Variants in SLC3A1 observed in about 807,000 individuals in gnomAD.
SLC3A1 encodes solute carrier family 3 member 1.
SLC3A1 carries 78 observed loss-of-function variants against 60.3 expected under a neutral mutation model. The ratio of observed to expected loss-of-function variants is 1.29; its 90% confidence interval spans 1.08 to 1.56. SLC3A1 has a LOEUF of 1.56. Among genes scored for constraint, SLC3A1 ranks in the 40% most tolerant of loss-of-function variants. The pLI is 0.00. For synonymous variants in SLC3A1, 392 were observed against 307.9 expected, an observed-to-expected ratio of 1.27 and a Z score of -2.86; for missense variants, 1,172 against 858.9, an observed-to-expected ratio of 1.36 and a Z score of -4.56.
intron 6 of SLC3A1, chr2:44,303,771 T>C: frequency 2.5e-6 from 1 of 392,884 alleles, no homozygotes; most frequent in South Asian, 2.4e-5. Flanking sequence ...TGATGTTCCC[T>C]GCCCTGTGTC....
intron 7 of SLC3A1, among the ~76,000 whole-genome samples, chr2:44,309,682 C>T (rs7575725): frequency 6.6e-6 from 1 of 152,080 alleles, no homozygotes; most frequent in Admixed American, 6.5e-5. Context: ...TCACTGCAAC[C>T]TCTGCCTCTG....
rs765196342 is a variant in SLC3A1, at chr2:44,321,380, A to T, written c.*741A>T. ...TTCAGAATTTCAGGTATTTCTTAAGATCCTCGAAAACACTGGTGCTGTCAA... is the reference window on the plus strand; with the variant it reads ...TTCAGAATTTCAGGTATTTCTTAAGTTCCTCGAAAACACTGGTGCTGTCAA... On this transcript the variant is annotated 3_prime_UTR_variant, in exon 10 of 10. Coordinates refer to ENST00000260649, the MANE Select transcript of SLC3A1 (RefSeq NM_000341.4). 1.2e-6 allele frequency: 2 copies of T among 1,611,084 alleles called. No individual in the cohort carries two copies. The highest frequency in any genetic ancestry group is 1.3e-5 in the African/African-American group (1 of 74,934).
chr2:44,318,783 TAGC>T (rs1175606261), intron 9 of SLC3A1: 4 of 152,302 alleles, frequency 2.6e-5, no homozygotes, highest in East Asian at 1.9e-4. Context: ...AAGTATTTAA[TAGC>T]AGACAAAATA....
intron 4 of SLC3A1, among the ~76,000 whole-genome samples, chr2:44,290,361 A>G (rs1671714787): frequency 6.6e-6 from 1 of 152,208 alleles, no homozygotes. Context: ...GAAATCGGGA[A>G]GTGAGAATCC....
chr2:44,307,128 C>T (rs1672177574), intron 7 of SLC3A1, among the ~76,000 whole-genome samples: 1 of 152,290 alleles, frequency 6.6e-6, no homozygotes, highest in African/African-American at 2.4e-5. Context: ...TAGCTTCTTT[C>T]ACTTAACATA....
intron 7 of SLC3A1, among the ~76,000 whole-genome samples, chr2:44,306,821 T>C (rs1672170467): frequency 6.6e-6 from 1 of 152,128 alleles, no homozygotes; most frequent in Admixed American, 6.6e-5. Flanking sequence ...CCTCCCAAAG[T>C]GCTGGGATTA....
At chr2:44,299,940 G>A (rs1671959760) in intron 4 of SLC3A1, 31 bp from the exon 5 acceptor site, 1 of 1,612,794 alleles carries the variant, frequency 6.2e-7, no homozygotes. Flanking sequence ...CGTAGTTAAT[G>A]TAACCAAGCA....
In SLC3A1 at chr2:44,304,285, G is replaced by GT; in HGVS notation, c.1281dup (p.Ile428TyrfsTer15). On this transcript the variant is annotated frameshift_variant, in exon 7 of 10. Transcript: ENST00000260649. LOFTEE classifies it high-confidence loss of function. Reference sequence around the variant, plus strand: ...TGTTTCTGGGAACAGCGTGTATGAGGTTATCACATCCTGGATGGAAAACAT... The same window carrying GT: ...TGTTTCTGGGAACAGCGTGTATGAGGTTTATCACATCCTGGATGGAAAACAT... The GT allele has an allele frequency of 6.2e-7, 1 of 1,614,196 alleles. No homozygotes were observed. The highest frequency in any genetic ancestry group is 1.1e-5 in the South Asian group (1 of 91,086).
chr2:44,309,120 T>C (rs577176306), intron 7 of SLC3A1, among the ~76,000 whole-genome samples: 1 of 152,326 alleles, frequency 6.6e-6, no homozygotes, highest in Non-Finnish European at 1.5e-5. Flanking sequence ...ATGCATTAAA[T>C]ACATTCAAAA....
At position 44,312,800 on chromosome 2, in the gene SLC3A1, T is replaced by G. The variant is rs749288347; in HGVS notation, c.1500+47T>G. Reference sequence around the variant, plus strand: ...TATTCATCACAGCTATAAAACCAAGTATTCATTTTTTATTTTTTGCCAAAT... The same window carrying G: ...TATTCATCACAGCTATAAAACCAAGGATTCATTTTTTATTTTTTGCCAAAT... On this transcript the variant is annotated intron_variant, in intron 8 of 9. Transcript: ENST00000260649. 5 of 1,527,958 alleles carry G rather than the reference T, an allele frequency of 3.3e-6. No homozygotes were observed. The African/African-American group carries it at 6.3e-5, about 19-fold the overall frequency. 94.7% of individuals were successfully genotyped at this position (1,527,958 alleles called of 1,614,324 possible). A position where few individuals can be genotyped will look rare whatever the true frequency, so the allele number is the denominator to read the frequency against.
rs1433913896 is a variant in SLC3A1, at chr2:44,321,391, C to T, written c.*752C>T. ...AGGTATTTCTTAAGATCCTCGAAAA[C>T]ACTGGTGCTGTCAAGTCCAAGTTCC... On this transcript the variant is annotated 3_prime_UTR_variant, in exon 10 of 10. Coordinates refer to ENST00000260649, the MANE Select transcript of SLC3A1 (RefSeq NM_000341.4). 2 of 1,612,590 alleles carry T rather than the reference C, an allele frequency of 1.2e-6. No individual in the cohort carries two copies. Among genetic ancestry groups the T allele is most frequent in the East Asian group, 2.2e-5 (1 of 44,846 alleles).
At chr2:44,320,147 C>T in intron 9 of SLC3A1, 52 bp from the exon 10 acceptor site, 1 of 1,465,572 alleles carries the variant, frequency 6.8e-7, no homozygotes, top group Non-Finnish European at 9.4e-7. Context: ...AAAATACTTA[C>T]AAACAATTCT....
chr2:44,321,883 T>C (rs752934260), downstream of SLC3A1: 9 of 1,613,376 alleles, frequency 5.6e-6, no homozygotes, highest in Admixed American at 3.3e-5. Context: ...TCTAGAATAA[T>C]ATTAGGGGTC....
chr2:44,301,815 G>A (rs1033852516), intron 6 of SLC3A1, among the ~76,000 whole-genome samples: 3 of 151,162 alleles, frequency 2.0e-5, no homozygotes, highest in African/African-American at 7.3e-5. Context: ...TGTAATCCCA[G>A]CACTGTGTGA....
chr2:44,290,706 G>A (rs1193734400), intron 4 of SLC3A1, among the ~76,000 whole-genome samples: 2 of 130,476 alleles, frequency 1.5e-5, no homozygotes, highest in African/African-American at 3.0e-5. Context: ...TACTGTATAT[G>A]TTTGGTGTTT....
In SLC3A1 at chr2:44,320,451, A is replaced by G. The variant is rs781253461; in HGVS notation, c.1870A>G (p.Thr624Ala). The G allele has an allele frequency of 4.7e-5, 76 of 1,614,030 alleles. No individual in the cohort carries two copies. The highest frequency in any genetic ancestry group is 3.3e-4 in the Admixed American group (20 of 59,992). ...CGCTAAAATGAGAATAAGGTTAAGTACCAATTCTGCCGACAAAGGCAGTAA... is the reference window on the plus strand; with the variant it reads ...CGCTAAAATGAGAATAAGGTTAAGTGCCAATTCTGCCGACAAAGGCAGTAA... ...LPAKMRIRLS[T>A]NSADKGSKVD... is the part of the protein sequence containing the mutation. The change falls in exon 10 of 10, where the codon ACC becomes GCC. Residue 624 changes from threonine to alanine, a missense_variant. Thr to Ala is a moderately conservative substitution (Grantham distance 58). Coordinates refer to ENST00000260649, the MANE Select transcript of SLC3A1 (RefSeq NM_000341.4).
Position 44,321,344 on chromosome 2 carries a change from G to A in SLC3A1, c.*705G>A, listed in dbSNP as rs1271835722. 4 of 1,583,110 alleles carry A rather than the reference G, an allele frequency of 2.5e-6. No individual in the cohort carries two copies. Among genetic ancestry groups the A allele is most frequent in the Non-Finnish European group, 3.5e-6 (4 of 1,153,062 alleles). On this transcript the variant is annotated 3_prime_UTR_variant, in exon 10 of 10. Coordinates refer to ENST00000260649, the MANE Select transcript of SLC3A1 (RefSeq NM_000341.4). ...TTCAGTGTGTTTCCAATTCCCAGTTGAATGCAGTGTTTCAGAATTTCAGGT... is the reference window on the plus strand; with the variant it reads ...TTCAGTGTGTTTCCAATTCCCAGTTAAATGCAGTGTTTCAGAATTTCAGGT...
chr2:44,308,573 T>A (rs181244062), intron 7 of SLC3A1, among the ~76,000 whole-genome samples: 1 of 152,234 alleles, frequency 6.6e-6, no homozygotes, highest in African/African-American at 2.4e-5. Context: ...TTTGTTCTTT[T>A]GATATTATTG....
chr2:44,312,871 A>C (rs1672334656), intron 8 of SLC3A1, 118 bp downstream of exon 8: 1 of 838,968 alleles, frequency 1.2e-6, no homozygotes, highest in South Asian at 1.5e-5. Context: ...AATCATGGTT[A>C]CTTTGCTTTT....
Sources: gnomAD v4.1 joint callset for allele counts (sites outside exome capture counted in the v4.1 genomes callset) on GRCh38, gnomAD v4.1.1 for gene constraint, MANE v1.5 for transcripts, NCBI Gene and HGNC (gene_info 2026-07-23, HGNC 2026-07-21) for gene names.